Variants in FMN2 observed in about 807,000 individuals in gnomAD.
The protein encoded by FMN2 is formin-2.
A neutral mutation model predicts 142.3 loss-of-function variants in FMN2; 51 were observed. That is an observed-to-expected ratio of 0.36 (90% CI 0.29 to 0.45). FMN2 has a LOEUF of 0.45. FMN2 is among the 20% of genes least tolerant of loss of function. The pLI is 1.00. For synonymous variants in FMN2, 882 were observed against 869.8 expected (o/e 1.01, Z -0.25); for missense variants, 1,936 against 2,122.8 (o/e 0.91, Z 1.73).
At chr1:240,234,276 C>T (rs927393260) in intron 6 of FMN2, among the ~76,000 whole-genome samples, 5 of 152,082 alleles carry the variant, frequency 3.3e-5, no homozygotes, top group African/African-American at 4.8e-5. Flanking sequence ...CCTACCCTCG[C>T]CATGATTCTT....
intron 16 of FMN2, among the ~76,000 whole-genome samples, chr1:240,471,482 TCTC>T (rs1676806910): frequency 6.6e-6 from 1 of 151,804 alleles, no homozygotes; most frequent in South Asian, 2.1e-4. Flanking sequence ...TTCACACCAT[TCTC>T]CTGCCTCAAC....
chr1:240,149,836 C>T (rs1280575963), intron 2 of FMN2, among the ~76,000 whole-genome samples: 1 of 152,042 alleles, frequency 6.6e-6, no homozygotes, highest in African/African-American at 2.4e-5. Flanking sequence ...ATCAAAAATT[C>T]TTTGAGGTAA....
Position 240,331,654 on chromosome 1 carries a change from T to G in FMN2, c.4584+905T>G, listed in dbSNP as rs182875805. 3.3e-5 allele frequency among the ~76,000 whole-genome samples: 5 copies of G among 152,282 alleles called. No homozygotes were observed. In the East Asian group the frequency reaches 9.7e-4, roughly 29 times the overall value. Reference sequence around the variant, plus strand: ...TTCTGCCAGCCAACAATTTGTTTATTGTTTTATATACAGATGCTTCTCAAC... The same window carrying G: ...TTCTGCCAGCCAACAATTTGTTTATGGTTTTATATACAGATGCTTCTCAAC... On this transcript the variant is annotated intron_variant, in intron 11 of 17. Coordinates refer to ENST00000319653, the MANE Select transcript of FMN2 (RefSeq NM_020066.5).
At chr1:240,179,799 T>C (rs2103327270) in intron 3 of FMN2, among the ~76,000 whole-genome samples, 2 of 152,342 alleles carry the variant, frequency 1.3e-5, no homozygotes, top group East Asian at 3.9e-4. Context: ...ATCAGTTGCA[T>C]GGAGAGCCCT....
Position 240,142,780 on chromosome 1 carries a change from C to T in FMN2, c.1782+19435C>T. ...GCCCGTTCCCCGTGGGCCAACGACA[C>T]TGGGGTTGTATGTGTCTGGAACCCT... On this transcript the variant is annotated intron_variant, in intron 2 of 17. Coordinates refer to ENST00000319653, the MANE Select transcript of FMN2 (RefSeq NM_020066.5). 6 of 1,592,586 alleles carry T rather than the reference C, an allele frequency of 3.8e-6. No homozygotes were observed. The East Asian group carries it at 8.9e-5, about 24-fold the overall frequency.
At chr1:240,155,804 A>G (rs1663997650) in intron 2 of FMN2, among the ~76,000 whole-genome samples, 1 of 151,892 alleles carries the variant, frequency 6.6e-6, no homozygotes, top group Admixed American at 6.6e-5. Context: ...TTGATGAGCA[A>G]TGCACAATTT....
Position 240,328,253 on chromosome 1 carries a change from A to T in FMN2, c.4216-823A>T, listed in dbSNP as rs1185820049. ...AATCATTTAATTATATTTTCCCCCA[A>T]GTACAAAAATCAATAAACAATGATT... On this transcript the variant is annotated intron_variant, in intron 8 of 17. Transcript: ENST00000319653. Among the ~76,000 whole-genome samples the T allele has an allele frequency of 2.0e-5, 3 of 151,440 alleles. No individual in the cohort carries two copies. In the East Asian group the frequency reaches 5.8e-4, roughly 29 times the overall value.
intron 1 of FMN2, among the ~76,000 whole-genome samples, chr1:240,098,096 A>ATTTTTTTTTTTTTTT (rs1558293621): frequency 4.9e-5 from 4 of 81,194 alleles, no homozygotes; most frequent in African/African-American, 2.9e-4. Context: ...GGTTATCTTG[A>ATTTTTTTTTTTTTTT]ATTTTTTTTT....
chr1:240,256,294 C>T (rs61584784), intron 6 of FMN2, among the ~76,000 whole-genome samples: 4,193 of 151,910 alleles, frequency 0.028, 187 homozygotes, highest in African/African-American at 0.096. Context: ...TACTAATAGG[C>T]CCATATTCTA....
chr1:240,429,992 T>C (rs1306998496), intron 15 of FMN2, among the ~76,000 whole-genome samples: 2 of 151,822 alleles, frequency 1.3e-5, no homozygotes, highest in Non-Finnish European at 2.9e-5. Flanking sequence ...TCCACGCCAT[T>C]CTCCTGCCTC....
intron 15 of FMN2, among the ~76,000 whole-genome samples, chr1:240,431,423 T>TATATATATATATATAC (rs1491221486): frequency 5.5e-4 from 72 of 130,928 alleles, no homozygotes; most frequent in African/African-American, 1.9e-3. Context: ...TATATATATA[T>TATATATATATATATAC]ACATATATAT....
intron 8 of FMN2, among the ~76,000 whole-genome samples, chr1:240,328,147 CAAAAAAAAA>C (rs780595882): frequency 1.7e-4 from 9 of 51,456 alleles, no homozygotes; most frequent in Non-Finnish European, 2.1e-4. Flanking sequence ...GACCCCATCT[CAAAAAAAAA>C]AAAAAAAAAA....
chr1:240,142,505 T>TG (rs199943930), intron 2 of FMN2, among the ~76,000 whole-genome samples: 3,288 of 33,140 alleles, frequency 0.099, 50 homozygotes, highest in African/African-American at 0.22. Flanking sequence ...TTATATTTTT[T>TG]GGGGGGGGAT....
chr1:240,099,836 T>C (rs114737396), intron 1 of FMN2, among the ~76,000 whole-genome samples: 2,326 of 152,338 alleles, frequency 0.015, 31 homozygotes, highest in Middle Eastern at 0.024. Context: ...GGGATTCTTC[T>C]GGTCTTCTTT....
intron 4 of FMN2, among the ~76,000 whole-genome samples, chr1:240,201,238 A>G (rs1666110599): frequency 6.6e-6 from 1 of 152,186 alleles, no homozygotes; most frequent in South Asian, 2.1e-4. Context: ...ACCATCTGTT[A>G]TTATCCACCA....
chr1:240,388,719 G>A (rs1035198321), intron 14 of FMN2, among the ~76,000 whole-genome samples: 1 of 151,950 alleles, frequency 6.6e-6, no homozygotes, highest in Non-Finnish European at 1.5e-5. Flanking sequence ...AAAATTAGCT[G>A]GGTGTTGTGG....
intron 16 of FMN2, among the ~76,000 whole-genome samples, chr1:240,463,481 A>C (rs1676513869): frequency 6.6e-6 from 1 of 152,196 alleles, no homozygotes; most frequent in African/African-American, 2.4e-5. Flanking sequence ...TCAAGGCTAG[A>C]GGATTGGATC....
intron 7 of FMN2, among the ~76,000 whole-genome samples, chr1:240,275,217 C>A (rs1034343969): frequency 2.6e-5 from 4 of 151,712 alleles, no homozygotes; most frequent in African/African-American, 7.3e-5. Context: ...TTAGGTATTT[C>A]TCCTAATGCT....
chr1:240,426,722 A>AAT (rs1297203340), intron 15 of FMN2, among the ~76,000 whole-genome samples: 1 of 152,054 alleles, frequency 6.6e-6, no homozygotes, highest in Non-Finnish European at 1.5e-5. Flanking sequence ...GTTTCTCTAA[A>AAT]AGATACCCTT....
Sources: gnomAD v4.1 joint callset for allele counts (sites outside exome capture counted in the v4.1 genomes callset) on GRCh38, gnomAD v4.1.1 for gene constraint, MANE v1.5 for transcripts, NCBI Gene and HGNC (gene_info 2026-07-23, HGNC 2026-07-21) for gene names.